Variants in BHMT2 observed in about 807,000 individuals in gnomAD.
BHMT2 encodes the protein betaine--homocysteine S-methyltransferase 2, also known as S-methylmethionine--homocysteine S-methyltransferase BHMT2.
A neutral mutation model predicts 39.0 loss-of-function variants in BHMT2; 28 were observed. That is an observed-to-expected ratio of 0.72 (90% CI 0.53 to 0.98). BHMT2 has a LOEUF of 0.98. Ranked by LOEUF, BHMT2 falls within the 50% of genes least tolerant of loss-of-function variation. The pLI is 0.00. For missense variants in BHMT2, 410 were observed against 455.6 expected, an observed-to-expected ratio of 0.90 and a Z score of 0.91; for synonymous variants, 145 against 160.6, an observed-to-expected ratio of 0.90 and a Z score of 0.74.
At chr5:79,084,894 A>T (rs1008379001) in intron 7 of BHMT2, among the ~76,000 whole-genome samples, 1 of 152,084 alleles carries the variant, frequency 6.6e-6, no homozygotes, top group Non-Finnish European at 1.5e-5. Context: ...TATCTTTTTA[A>T]GTTAAAATTA....
At chr5:79,081,290 G>A (rs180990773) in intron 4 of BHMT2, among the ~76,000 whole-genome samples, 7 of 152,278 alleles carry the variant, frequency 4.6e-5, no homozygotes, top group East Asian at 1.9e-4. Context: ...ATCCAGGCTC[G>A]TCTAGGCCCC....
intron 1 of BHMT2, among the ~76,000 whole-genome samples, chr5:79,076,689 C>CCG (rs769585656): frequency 6.9e-5 from 3 of 43,618 alleles, no homozygotes; most frequent in African/African-American, 3.5e-4. Flanking sequence ...AGAATAAAAA[C>CCG]TGTGTCCTGC....
At chr5:79,070,611 G>A (rs2112689764) in intron 1 of BHMT2, among the ~76,000 whole-genome samples, 1 of 152,296 alleles carries the variant, frequency 6.6e-6, no homozygotes, top group East Asian at 1.9e-4. Context: ...CAGAATGGGA[G>A]GAAGGGAGGA....
At chr5:79,088,358 C>CTCTGTG in intron 7 of BHMT2, 135 bp from the exon 8 acceptor site, 3 of 303,466 alleles carry the variant, frequency 9.9e-6, no homozygotes, top group Non-Finnish European at 1.8e-5. Context: ...CAAGTTTTGA[C>CTCTGTG]TGTGTGTGTG....
intron 7 of BHMT2, among the ~76,000 whole-genome samples, chr5:79,087,388 T>G (rs1378285553): frequency 6.6e-6 from 1 of 152,146 alleles, no homozygotes; most frequent in African/African-American, 2.4e-5. Context: ...ACTTTGGTGA[T>G]GATTAAAATA....
intron 1 of BHMT2, among the ~76,000 whole-genome samples, chr5:79,070,254 G>C (rs1175961830): frequency 1.3e-5 from 2 of 152,108 alleles, no homozygotes; most frequent in Non-Finnish European, 2.9e-5. Context: ...CTGTCCCCTC[G>C]CGTTTTGGAA....
At chr5:79,082,505 T>C (rs1193799272) in intron 4 of BHMT2, 1 of 202,218 alleles carries the variant, frequency 4.9e-6, no homozygotes, top group African/African-American at 2.3e-5. Flanking sequence ...AAATTATGAT[T>C]TTAAATACTC....
intron 7 of BHMT2, among the ~76,000 whole-genome samples, chr5:79,086,221 C>T (rs1301379977): frequency 1.3e-5 from 2 of 152,188 alleles, no homozygotes; most frequent in African/African-American, 2.4e-5. Context: ...GGCTCTCTCA[C>T]TCTCATTAGG....
intron 1 of BHMT2, among the ~76,000 whole-genome samples, chr5:79,070,305 C>T (rs1242541169): frequency 6.6e-6 from 1 of 152,276 alleles, no homozygotes. Context: ...TTGCGAGTCG[C>T]CGGCTGGTCT....
At chr5:79,072,083 A>G (rs2112691802) in intron 1 of BHMT2, among the ~76,000 whole-genome samples, 1 of 152,240 alleles carries the variant, frequency 6.6e-6, no homozygotes, top group South Asian at 2.1e-4. Flanking sequence ...ACTGGACAAC[A>G]TGGTGAAACC....
intron 2 of BHMT2, among the ~76,000 whole-genome samples, 195 bp from the exon 3 acceptor site, chr5:79,079,174 G>T (rs772625363): frequency 6.6e-6 from 1 of 152,156 alleles, no homozygotes; most frequent in Non-Finnish European, 1.5e-5. Flanking sequence ...ACAATACAAG[G>T]CTGCTCTAAA....
Position 79,085,078 on chromosome 5 carries a change from T to G in BHMT2, c.1010+1222T>G, listed in dbSNP as rs147243598. 4.5e-3 allele frequency among the ~76,000 whole-genome samples: 684 copies of G among 152,276 alleles called. 3 individuals carry two copies. The highest frequency in any genetic ancestry group is 0.015 in the African/African-American group (640 of 41,552). The stretch of plus-strand genomic sequence containing the variant: ...TTACTATCATCAAGGTTTATAACCA[T>G]TTTGTTCTATTCTATAGTTATAATT... On this transcript the variant is annotated intron_variant, in intron 7 of 7. Transcript: ENST00000255192.
intron 7 of BHMT2, 96 bp from the exon 8 acceptor site, chr5:79,088,397 T>TGTGTGG (rs1361371389): frequency 4.3e-6 from 3 of 702,238 alleles, no homozygotes; most frequent in Non-Finnish European, 7.1e-6. Context: ...TGTGTGTGTG[T>TGTGTGG]GGTTATATAC....
chr5:79,071,837 A>C (rs1000004663), intron 1 of BHMT2, among the ~76,000 whole-genome samples: 2 of 151,724 alleles, frequency 1.3e-5, no homozygotes, highest in Non-Finnish European at 2.9e-5. Flanking sequence ...AAAAAAAAAA[A>C]AAAAAAAACT....
At chr5:79,071,835 A>AG (rs1755584775) in intron 1 of BHMT2, among the ~76,000 whole-genome samples, 1 of 151,862 alleles carries the variant, frequency 6.6e-6, no homozygotes, top group East Asian at 1.9e-4. Context: ...AAAAAAAAAA[A>AG]AAAAAAAAAA....
At chr5:79,070,337 C>T (rs1470719199) in intron 1 of BHMT2, among the ~76,000 whole-genome samples, 1 of 152,140 alleles carries the variant, frequency 6.6e-6, no homozygotes, top group Non-Finnish European at 1.5e-5. Flanking sequence ...TGGGCAAGGA[C>T]GCCCCCAGAG....
Position 79,080,722 on chromosome 5 carries a change from C to T in BHMT2, c.294C>T (p.Ala98=). Residue 98 remains alanine, a synonymous_variant, in exon 4 of 8, where the codon GCC becomes GCT. Transcript: ENST00000255192. ...EDVNAAACDL[A]REVAGKGDAL... is the part of the protein sequence containing the mutation. ...TAAATGCTGCTGCCTGTGACCTCGC[C>T]AGGGAAGTGGCTGGCAAAGGTGATG... The T allele has an allele frequency of 6.2e-7, 1 of 1,601,058 alleles. No homozygotes were observed. The highest frequency in any genetic ancestry group is 8.5e-7 in the Non-Finnish European group (1 of 1,175,996).
chr5:79,079,245 T>C, intron 2 of BHMT2, 124 bp from the exon 3 acceptor site: 1 of 666,532 alleles, frequency 1.5e-6, no homozygotes, highest in South Asian at 1.9e-5. Flanking sequence ...TACTACTAGG[T>C]TTGAACTGAG....
rs1363575975 is a variant in BHMT2 at position 79,081,864 on chromosome 5, A to AAG, written c.451-931_451-930dup. On this transcript the variant is annotated intron_variant, in intron 4 of 7. Coordinates refer to ENST00000255192, the MANE Select transcript of BHMT2 (RefSeq NM_017614.5). Reference sequence around the variant, plus strand: ...GCGACAGAGTGATACTCTGTCTCAAAAGAGAGAGAGAGAGAATAGCCGCCA... The same window carrying AAG: ...GCGACAGAGTGATACTCTGTCTCAAAAGAGAGAGAGAGAGAGAATAGCCGCCA... Among the ~76,000 whole-genome samples the AAG allele has an allele frequency of 4.0e-5, 6 of 151,440 alleles. No individual in the cohort carries two copies. In the East Asian group the frequency reaches 1.2e-3, roughly 29 times the overall value.
Sources: allele counts gnomAD v4.1 joint callset (sites outside exome capture counted in the v4.1 genomes callset), GRCh38; gene constraint gnomAD v4.1.1; transcripts MANE v1.5; gene names NCBI Gene and HGNC (gene_info 2026-07-23, HGNC 2026-07-21).